ITPR1: variants seen among roughly 807,000 people sequenced by gnomAD.
ITPR1 encodes inositol 1,4,5-trisphosphate-gated calcium channel ITPR1.
Under a neutral mutation model 318.4 loss-of-function variants are expected in ITPR1, and 96 were observed. That is an observed-to-expected ratio of 0.30 (90% confidence interval 0.26 to 0.36). ITPR1 has a LOEUF of 0.36. ITPR1 is among the 10% of genes least tolerant of loss of function. The pLI, the probability that ITPR1 is intolerant of heterozygous loss-of-function variation, is 1.00. For synonymous variants in ITPR1, 1,312 were observed against 1,289.9 expected (o/e 1.02, Z -0.37); for missense variants, 2,440 against 3,460.2 (o/e 0.71, Z 7.40).
intron 4 of ITPR1, among the ~76,000 whole-genome samples, chr3:4,599,024 C>G (rs1333861035): frequency 7.5e-6 from 1 of 134,156 alleles, no homozygotes; most frequent in Non-Finnish European, 1.6e-5. Context: ...TTTTTTTTTT[C>G]ATCTTTTCTG....
Position 4,717,430 on chromosome 3 carries a change from G to A in ITPR1, c.5136+31G>A, listed in dbSNP as rs751824312. 6 of 1,557,040 alleles carry A rather than the reference G, an allele frequency of 3.9e-6. No individual in the cohort carries two copies. In the East Asian group the frequency reaches 6.7e-5, roughly 17 times the overall value. On this transcript the variant is annotated intron_variant, in intron 40 of 61. Coordinates refer to ENST00000649015, the MANE Select transcript of ITPR1 (RefSeq NM_001378452.1). ...AATTTTGTTGTTTTTTGTTTTTCAT[G>A]TCTCATGGTGGTGTTTCCGTGACAC...
chr3:4,783,662 G>A (rs904753545), intron 50 of ITPR1, among the ~76,000 whole-genome samples, 154 bp from the exon 51 acceptor site: 3 of 152,256 alleles, frequency 2.0e-5, no homozygotes, highest in African/African-American at 7.2e-5. Context: ...TGCACAGCAC[G>A]CCGTGATGGG....
Position 4,674,223 on chromosome 3 carries a change from C to T in ITPR1, c.2478C>T (p.Ser826=). Reference sequence around the variant, plus strand: ...TCAGCTATGATAGTAGTGGAGCTTCCAAAGATGAAATTAAGGAGAGATTTG... The same window carrying T: ...TCAGCTATGATAGTAGTGGAGCTTCTAAAGATGAAATTAAGGAGAGATTTG... ...AIDDYDSSGA[S]KDEIKERFAQ... The change falls in exon 22 of 62, where the codon TCC becomes TCT. Residue 826 remains serine, a synonymous_variant. Transcript: ENST00000649015. 1 of 1,553,360 alleles carries T rather than the reference C, an allele frequency of 6.4e-7. No homozygotes were observed. The highest frequency in any genetic ancestry group is 8.7e-7 in the Non-Finnish European group (1 of 1,148,152).
chr3:4,682,673 C>T (rs2094323182), intron 26 of ITPR1, among the ~76,000 whole-genome samples: 1 of 152,236 alleles, frequency 6.6e-6, no homozygotes, highest in Non-Finnish European at 1.5e-5. Context: ...CCATTTTCCT[C>T]ATAGTGAACA....
At chr3:4,660,666 A>G (rs1409927036) in intron 13 of ITPR1, among the ~76,000 whole-genome samples, 1 of 152,216 alleles carries the variant, frequency 6.6e-6, no homozygotes, top group East Asian at 1.9e-4. Flanking sequence ...TGTTATAAGC[A>G]CTAATATATA....
At chr3:4,841,467 T>C (rs1183472844) in intron 61 of ITPR1, among the ~76,000 whole-genome samples, 1 of 152,220 alleles carries the variant, frequency 6.6e-6, no homozygotes, top group Non-Finnish European at 1.5e-5. Context: ...CCGTTCCTTC[T>C]TTCAGCCAAC....
chr3:4,806,596 C>CA lies in ITPR1; in HGVS notation c.7272+329_7272+330insA, dbSNP rs529882829. Among the ~76,000 whole-genome samples, 400 of 152,262 alleles carry CA rather than the reference C, an allele frequency of 2.6e-3. 5 individuals are homozygous for CA. The highest frequency in any genetic ancestry group is 9.2e-3 in the African/African-American group (383 of 41,530). Reference sequence around the variant, plus strand: ...TTTTTCTTTACTTCTTAGACTCAGCCGCACTTACACCAAGAGGAGTGTTTT... The same window carrying CA: ...TTTTTCTTTACTTCTTAGACTCAGCCAGCACTTACACCAAGAGGAGTGTTTT... On this transcript the variant is annotated intron_variant, in intron 55 of 61. Coordinates refer to ENST00000649015, the MANE Select transcript of ITPR1 (RefSeq NM_001378452.1).
At chr3:4,676,180 A>C (rs1265049236) in intron 23 of ITPR1, among the ~76,000 whole-genome samples, 3 of 62,140 alleles carry the variant, frequency 4.8e-5, no homozygotes, top group African/African-American at 1.7e-4. Flanking sequence ...TATCTCTACC[A>C]AAAAAAAAAA....
At chr3:4,797,616 G>A (rs1041254513) in intron 53 of ITPR1, among the ~76,000 whole-genome samples, 19 of 152,188 alleles carry the variant, frequency 1.2e-4, no homozygotes, top group Admixed American at 1.2e-3. Context: ...ATTGCTTACT[G>A]AATTTGTGAG....
At chr3:4,759,495 C>T (rs542444734) in intron 44 of ITPR1, among the ~76,000 whole-genome samples, 10 of 152,122 alleles carry the variant, frequency 6.6e-5, no homozygotes, top group Non-Finnish European at 1.5e-4. Flanking sequence ...GAGGGAGGTT[C>T]TGTGTGGCCC....
At position 4,665,123 on chromosome 3, in the gene ITPR1, C is replaced by A; in HGVS notation, c.1555-15C>A. 1 of 1,613,898 alleles carries A rather than the reference C, an allele frequency of 6.2e-7. No individual in the cohort carries two copies. Among genetic ancestry groups the A allele is most frequent in the South Asian group, 1.1e-5 (1 of 91,068 alleles). ...CTAAGTGATTGCCATTTTTGCTTTT[C>A]ATTTTCACAAACAGATCTTCAAGTT... On this transcript the variant is annotated splice_polypyrimidine_tract_variant and intron_variant, in intron 16 of 61. Transcript: ENST00000649015.
In ITPR1 at chr3:4,818,310, C is replaced by T; in HGVS notation, c.8028+68C>T. 11 of 1,299,082 alleles carry T rather than the reference C, an allele frequency of 8.5e-6. No homozygotes were observed. The South Asian group carries it at 1.7e-4, about 20-fold the overall frequency. 80.5% of individuals were successfully genotyped at this position (1,299,082 alleles called of 1,614,324 possible). On this transcript the variant is annotated intron_variant, in intron 60 of 61. Coordinates refer to ENST00000649015, the MANE Select transcript of ITPR1 (RefSeq NM_001378452.1). ...TACTCAGCTCTGAGCAAGGCCCCAG[C>T]AGCCCATCGGGGAGCTGCACAACAG...
At chr3:4,749,535 A>C (rs995484163) in intron 44 of ITPR1, 3 of 152,100 alleles carry the variant, frequency 2.0e-5, no homozygotes, top group South Asian at 4.1e-4. Flanking sequence ...TTATCCCCCT[A>C]CCTTCCACTG....
At chr3:4,673,742 C>T (rs2094133083) in intron 21 of ITPR1, among the ~76,000 whole-genome samples, 1 of 152,072 alleles carries the variant, frequency 6.6e-6, no homozygotes, top group Admixed American at 6.6e-5. Flanking sequence ...ACCACCACGC[C>T]CGGCTAATTT....
At chr3:4,581,502 G>A (rs1302614597) in intron 4 of ITPR1, among the ~76,000 whole-genome samples, 2 of 152,216 alleles carry the variant, frequency 1.3e-5, no homozygotes, top group African/African-American at 2.4e-5. Flanking sequence ...TGGGATGGTA[G>A]TGGTAATCTA....
Position 4,652,327 on chromosome 3 carries a change from G to A in ITPR1, c.951+109G>A, listed in dbSNP as rs56896093. 87,339 of 710,490 alleles carry A rather than the reference G, an allele frequency of 0.12. 6,133 individuals carry two copies. The highest frequency in any genetic ancestry group is 0.16 in the Middle Eastern group (515 of 3,138). The allele number at this position is 710,490 out of a possible 1,614,324, so 44.0% of individuals were successfully genotyped here. On this transcript the variant is annotated intron_variant, in intron 11 of 61. Coordinates refer to ENST00000649015, the MANE Select transcript of ITPR1 (RefSeq NM_001378452.1). ...TAAAAGGCTTAGGGAAATACACTCA[G>A]TCACCTTGCTTTTCCTCCTGTTTTT...
intron 33 of ITPR1, among the ~76,000 whole-genome samples, chr3:4,696,141 C>G (rs1382358941): frequency 2.6e-5 from 4 of 152,160 alleles, no homozygotes; most frequent in Admixed American, 6.5e-5. Flanking sequence ...ATATGATTCA[C>G]TTGTTTAAAG....
intron 4 of ITPR1, among the ~76,000 whole-genome samples, chr3:4,569,748 C>T (rs1171633514): frequency 6.6e-6 from 1 of 152,202 alleles, no homozygotes; most frequent in Non-Finnish European, 1.5e-5. Flanking sequence ...GATCTTCCAG[C>T]TTGTCATGGG....
chr3:4,523,369 C>A (rs2082713792), intron 4 of ITPR1, among the ~76,000 whole-genome samples: 1 of 151,902 alleles, frequency 6.6e-6, no homozygotes, highest in Admixed American at 6.6e-5. Context: ...TTAGAATATG[C>A]ATGTATAGTG....
Sources: gnomAD v4.1 joint callset for allele counts (sites outside exome capture counted in the v4.1 genomes callset) on GRCh38, gnomAD v4.1.1 for gene constraint, MANE v1.5 for transcripts, NCBI Gene and HGNC (gene_info 2026-07-23, HGNC 2026-07-21) for gene names.